The following RSRC1 variants were observed in gnomAD, a reference collection of about 807,000 sequenced individuals.
RSRC1 encodes the protein serine/Arginine-related protein 53.
A neutral mutation model predicts 49.1 loss-of-function variants in RSRC1; 39 were observed. The ratio of observed to expected loss-of-function variants is 0.79; its 90% CI spans 0.61 to 1.04. RSRC1 has a LOEUF of 1.04. Among genes scored for constraint, RSRC1 ranks in the 50% least tolerant of loss-of-function variants. The pLI, the probability that RSRC1 is intolerant of heterozygous loss-of-function variation, is 0.00. For synonymous variants in RSRC1, 143 were observed against 130.8 expected (o/e 1.09, Z -0.63); for missense variants, 388 against 402.4 (o/e 0.96, Z 0.31).
chr3:158,257,177 T>G (rs1233999178), intron 4 of RSRC1, among the ~76,000 whole-genome samples: 1 of 152,204 alleles, frequency 6.6e-6, no homozygotes, highest in Non-Finnish European at 1.5e-5. Context: ...GGTGTCGATT[T>G]TAGACCTTTC....
intron 5 of RSRC1, among the ~76,000 whole-genome samples, chr3:158,345,226 C>T (rs1320437602): frequency 8.3e-6 from 1 of 120,004 alleles, no homozygotes; most frequent in Non-Finnish European, 1.9e-5. Flanking sequence ...GATTCTGTCT[C>T]AAAAAAAAAA....
chr3:158,445,576 C>T (rs998531215), intron 6 of RSRC1, among the ~76,000 whole-genome samples: 1 of 151,988 alleles, frequency 6.6e-6, no homozygotes, highest in Non-Finnish European at 1.5e-5. Flanking sequence ...ATGGGTGCGG[C>T]ACACCAACAT....
intron 4 of RSRC1, among the ~76,000 whole-genome samples, chr3:158,282,889 T>C (rs906932707): frequency 1.3e-5 from 2 of 152,144 alleles, no homozygotes; most frequent in African/African-American, 4.8e-5. Flanking sequence ...ATGAAGACAT[T>C]GATGTTAGGG....
chr3:158,435,891 A>G (rs1345306484), intron 6 of RSRC1, among the ~76,000 whole-genome samples: 1 of 151,738 alleles, frequency 6.6e-6, no homozygotes, highest in Non-Finnish European at 1.5e-5. Context: ...AGTTTTGAGG[A>G]GTTATGCCAG....
chr3:158,129,439 C>T (rs938293660), intron 3 of RSRC1, among the ~76,000 whole-genome samples: 2 of 151,764 alleles, frequency 1.3e-5, no homozygotes, highest in Non-Finnish European at 2.9e-5. Flanking sequence ...TACAGGTGCC[C>T]ACCACCACGT....
intron 6 of RSRC1, among the ~76,000 whole-genome samples, chr3:158,388,329 T>C (rs1242389569): frequency 2.6e-5 from 4 of 152,120 alleles, no homozygotes; most frequent in Non-Finnish European, 4.4e-5. Flanking sequence ...TAATCCTTGA[T>C]ATATTAACAG....
intron 3 of RSRC1, among the ~76,000 whole-genome samples, chr3:158,200,617 A>G (rs1720988450): frequency 6.6e-6 from 1 of 152,018 alleles, no homozygotes; most frequent in Non-Finnish European, 1.5e-5. Flanking sequence ...TAATTCCTTT[A>G]AAAGCAATCT....
intron 6 of RSRC1, among the ~76,000 whole-genome samples, chr3:158,364,371 C>G (rs1279265081): frequency 6.6e-6 from 1 of 151,226 alleles, no homozygotes; most frequent in Non-Finnish European, 1.5e-5. Context: ...CCAAAAAGAG[C>G]AGGAGATTGA....
intron 7 of RSRC1, among the ~76,000 whole-genome samples, chr3:158,527,541 A>G (rs540484746): frequency 6.1e-4 from 92 of 152,058 alleles, no homozygotes; most frequent in South Asian, 3.1e-3. Context: ...ATCCTCTAAT[A>G]AACCAATACA....
chr3:158,308,326 A>G (rs1011495872), intron 5 of RSRC1, among the ~76,000 whole-genome samples: 1 of 151,962 alleles, frequency 6.6e-6, no homozygotes, highest in Non-Finnish European at 1.5e-5. Flanking sequence ...GCCCCATTAG[A>G]TGAAAGCAGC....
chr3:158,326,973 C>G (rs1488690224), intron 5 of RSRC1, among the ~76,000 whole-genome samples: 1 of 152,040 alleles, frequency 6.6e-6, no homozygotes, highest in Non-Finnish European at 1.5e-5. Context: ...TGTATGTGTC[C>G]AGAAATTTAT....
intron 6 of RSRC1, among the ~76,000 whole-genome samples, chr3:158,378,070 G>T (rs1732473689): frequency 1.3e-5 from 2 of 151,914 alleles, no homozygotes; most frequent in Admixed American, 1.3e-4. Context: ...CTATCGCTCT[G>T]TTTTATCATT....
intron 5 of RSRC1, among the ~76,000 whole-genome samples, chr3:158,337,265 A>G (rs894662176): frequency 3.3e-5 from 5 of 152,236 alleles, no homozygotes; most frequent in South Asian, 2.1e-4. Context: ...AGTCCTTGCT[A>G]TCATGAAGAC....
chr3:158,239,097 G>C (rs940697138), intron 4 of RSRC1, among the ~76,000 whole-genome samples: 9 of 152,080 alleles, frequency 5.9e-5, no homozygotes, highest in African/African-American at 1.7e-4. Flanking sequence ...ACAGCCAACA[G>C]ACACATGAAA....
chr3:158,374,402 T>C lies in RSRC1; in HGVS notation c.583+19494T>C, dbSNP rs570180361. The stretch of plus-strand genomic sequence containing the variant: ...GAGAGGACGGGAGAGGAAGTCTAGG[T>C]TGCTCTTTTGTATGGTTCTTTCTCA... On this transcript the variant is annotated intron_variant, in intron 6 of 9. Transcript: ENST00000611884. 6.2e-4 allele frequency among the ~76,000 whole-genome samples: 94 copies of C among 152,278 alleles called. 1 individual carries two copies. The South Asian group carries it at 0.019, about 31-fold the overall frequency.
chr3:158,199,377 T>G (rs1443104064), intron 3 of RSRC1, among the ~76,000 whole-genome samples: 2 of 152,194 alleles, frequency 1.3e-5, no homozygotes, highest in African/African-American at 4.8e-5. Flanking sequence ...ATCCACATTC[T>G]TTATTCTTTG....
chr3:158,480,417 A>G (rs959684619), intron 7 of RSRC1, among the ~76,000 whole-genome samples: 2 of 152,160 alleles, frequency 1.3e-5, no homozygotes, highest in Admixed American at 1.3e-4. Flanking sequence ...AGTCAAAAAG[A>G]CATTTCACAG....
intron 6 of RSRC1, among the ~76,000 whole-genome samples, chr3:158,388,010 A>G (rs529897207): frequency 6.6e-6 from 1 of 152,298 alleles, no homozygotes; most frequent in South Asian, 2.1e-4. Flanking sequence ...GGTTTAATGT[A>G]CTGGAAGTGT....
intron 3 of RSRC1, among the ~76,000 whole-genome samples, chr3:158,127,156 A>T (rs896293106): frequency 6.6e-6 from 1 of 151,958 alleles, no homozygotes; most frequent in African/African-American, 2.4e-5. Flanking sequence ...GAACTTCTTA[A>T]ATTTGGGTGC....
Sources: allele counts gnomAD v4.1 joint callset (sites outside exome capture counted in the v4.1 genomes callset), GRCh38; gene constraint gnomAD v4.1.1; transcripts MANE v1.5; gene names NCBI Gene and HGNC (gene_info 2026-07-23, HGNC 2026-07-21).